Variants in ANGPT1 observed in about 807,000 individuals in gnomAD.
The protein encoded by ANGPT1 is angiopoietin-1.
Under a neutral mutation model 62.2 loss-of-function variants are expected in ANGPT1, and 17 were observed. The observed-to-expected ratio is 0.27, with a 90% confidence interval of 0.19 to 0.41. The LOEUF (loss-of-function observed/expected upper bound fraction) is 0.41. Among genes scored for constraint, ANGPT1 ranks in the 10% least tolerant of loss-of-function variants. The probability of loss-of-function intolerance (pLI) is 1.00; values close to 1 mark genes in which losing one functional copy is unlikely to be tolerated. For synonymous variants in ANGPT1, 199 were observed against 198.9 expected (o/e 1.00, Z 0.00); for missense variants, 478 against 594.9 (o/e 0.80, Z 2.04).
chr8:107,372,063 G>A (rs1223373387), intron 1 of ANGPT1, among the ~76,000 whole-genome samples: 1 of 152,076 alleles, frequency 6.6e-6, no homozygotes, highest in Non-Finnish European at 1.5e-5. Flanking sequence ...TATGATATTA[G>A]GAGTGTTGTT....
intron 1 of ANGPT1, among the ~76,000 whole-genome samples, chr8:107,389,373 G>C (rs16876215): frequency 2.5e-4 from 38 of 152,100 alleles, no homozygotes; most frequent in African/African-American, 6.8e-4. Context: ...GTGGGAGTGC[G>C]GTTATCCAAA....
intron 1 of ANGPT1, among the ~76,000 whole-genome samples, chr8:107,393,520 G>C (rs933231628): frequency 1.3e-5 from 2 of 152,106 alleles, no homozygotes; most frequent in Non-Finnish European, 2.9e-5. Flanking sequence ...AAAAAAATTA[G>C]GGGGATGGGT....
intron 1 of ANGPT1, among the ~76,000 whole-genome samples, chr8:107,372,553 A>G (rs1014908036): frequency 2.6e-5 from 4 of 152,050 alleles, no homozygotes; most frequent in African/African-American, 9.7e-5. Flanking sequence ...CAGATAACTA[A>G]GATTTGGCCA....
chr8:107,354,036 C>G (rs966575015), intron 1 of ANGPT1, among the ~76,000 whole-genome samples: 1 of 152,084 alleles, frequency 6.6e-6, no homozygotes, highest in Admixed American at 6.6e-5. Flanking sequence ...ATTCTCCTGC[C>G]ATTGCTTTTT....
At chr8:107,495,567 T>C (rs900025910) in intron 1 of ANGPT1, among the ~76,000 whole-genome samples, 2 of 152,182 alleles carry the variant, frequency 1.3e-5, no homozygotes, top group African/African-American at 2.4e-5. Flanking sequence ...AAACAAAACA[T>C]TACGTTTTTG....
chr8:107,459,395 C>A (rs753167118), intron 1 of ANGPT1, among the ~76,000 whole-genome samples: 4 of 151,842 alleles, frequency 2.6e-5, no homozygotes, highest in Non-Finnish European at 5.9e-5. Flanking sequence ...ACTAAGTCAG[C>A]CGGAAATCCC....
intron 2 of ANGPT1, among the ~76,000 whole-genome samples, chr8:107,339,572 T>C (rs1815650499): frequency 6.6e-6 from 1 of 152,166 alleles, no homozygotes; most frequent in Non-Finnish European, 1.5e-5. Context: ...CACATCACCT[T>C]ATTTAATTTT....
At chr8:107,301,612 C>A (rs1206742267) in intron 5 of ANGPT1, among the ~76,000 whole-genome samples, 1 of 151,828 alleles carries the variant, frequency 6.6e-6, no homozygotes, top group Admixed American at 6.6e-5. Flanking sequence ...TAATCTTGCA[C>A]AGAAATCAAA....
At chr8:107,357,192 C>T (rs941388010) in intron 1 of ANGPT1, among the ~76,000 whole-genome samples, 3 of 152,078 alleles carry the variant, frequency 2.0e-5, no homozygotes, top group Non-Finnish European at 1.5e-5. Flanking sequence ...CAGAAAATGC[C>T]CATTAATCTG....
chr8:107,304,046 C>A (rs950860820), intron 4 of ANGPT1, among the ~76,000 whole-genome samples: 2 of 151,682 alleles, frequency 1.3e-5, no homozygotes, highest in Non-Finnish European at 2.9e-5. Flanking sequence ...TTCTTTAATG[C>A]CCTAAAGTTA....
intron 1 of ANGPT1, among the ~76,000 whole-genome samples, chr8:107,427,175 G>A (rs1362618460): frequency 6.6e-6 from 1 of 152,098 alleles, no homozygotes; most frequent in East Asian, 1.9e-4. Flanking sequence ...CTGTACTCAG[G>A]ACCAGCTTGC....
chr8:107,437,792 A>C (rs1447149610), intron 1 of ANGPT1, among the ~76,000 whole-genome samples: 1 of 152,148 alleles, frequency 6.6e-6, no homozygotes, highest in Non-Finnish European at 1.5e-5. Context: ...GGACAGACAG[A>C]TATCTTTTCA....
At chr8:107,268,139 T>C (rs1317902795) in intron 7 of ANGPT1, among the ~76,000 whole-genome samples, 1 of 152,116 alleles carries the variant, frequency 6.6e-6, no homozygotes, top group Non-Finnish European at 1.5e-5. Flanking sequence ...AATCTTGAAA[T>C]CTTGAACAGT....
At chr8:107,338,060 C>T (rs1236757098) in intron 2 of ANGPT1, among the ~76,000 whole-genome samples, 1 of 152,100 alleles carries the variant, frequency 6.6e-6, no homozygotes, top group Non-Finnish European at 1.5e-5. Flanking sequence ...TATGCCACTG[C>T]ACTACAGCCT....
chr8:107,363,775 T>C (rs1448481787), intron 1 of ANGPT1, among the ~76,000 whole-genome samples: 2 of 152,080 alleles, frequency 1.3e-5, no homozygotes, highest in African/African-American at 2.4e-5. Flanking sequence ...ATAATAATAA[T>C]AGAAATTTGT....
At chr8:107,274,662 A>G (rs1813817355) in intron 7 of ANGPT1, among the ~76,000 whole-genome samples, 1 of 152,138 alleles carries the variant, frequency 6.6e-6, no homozygotes, top group South Asian at 2.1e-4. Context: ...GTCATTTTAT[A>G]CCATAAACCT....
intron 1 of ANGPT1, among the ~76,000 whole-genome samples, chr8:107,443,433 T>C (rs753276328): frequency 2.6e-5 from 4 of 152,182 alleles, no homozygotes; most frequent in Non-Finnish European, 5.9e-5. Context: ...TTTTCTCGGG[T>C]CAAAAATTCT....
chr8:107,346,511 G>A (rs1815806912), intron 2 of ANGPT1, among the ~76,000 whole-genome samples: 1 of 152,086 alleles, frequency 6.6e-6, no homozygotes, highest in Non-Finnish European at 1.5e-5. Context: ...AACTTCATTT[G>A]AGATTGTCCT....
At chr8:107,403,531 A>G (rs749467851) in intron 1 of ANGPT1, among the ~76,000 whole-genome samples, 1 of 152,106 alleles carries the variant, frequency 6.6e-6, no homozygotes, top group Non-Finnish European at 1.5e-5. Flanking sequence ...GATATCATCA[A>G]TGATGATAAG....
Sources: allele counts gnomAD v4.1 joint callset (sites outside exome capture counted in the v4.1 genomes callset), GRCh38; gene constraint gnomAD v4.1.1; transcripts MANE v1.5; gene names NCBI Gene and HGNC (gene_info 2026-07-23, HGNC 2026-07-21).